Variants in FANCA observed in about 807,000 individuals in gnomAD.
FANCA encodes the protein FA complementation group A.
Under a neutral mutation model 194.3 loss-of-function variants are expected in FANCA, and 236 were observed. That is an observed-to-expected ratio of 1.21 (90% CI 1.09 to 1.35). The LOEUF (loss-of-function observed/expected upper bound fraction) is 1.35. Ranked by LOEUF, FANCA falls within the 40% of genes most tolerant of loss-of-function variation. FANCA has a pLI of 0.00. For missense variants in FANCA, 2,628 were observed against 1,813.9 expected (o/e 1.45, Z -8.15); for synonymous variants, 1,014 against 715.8 (o/e 1.42, Z -6.65).
intron 21 of FANCA, among the ~76,000 whole-genome samples, chr16:89,774,216 C>G (rs889276289): frequency 6.6e-6 from 1 of 152,166 alleles, no homozygotes; most frequent in Non-Finnish European, 1.5e-5. Context: ...ATCACAGGCT[C>G]TAGAAATCAT....
In FANCA at chr16:89,775,774, T is replaced by C; in HGVS notation, c.1868A>G (p.Gln623Arg). The part of the protein sequence containing the change: ...IPPSLYSTYC[Q>R]ACSAAEEKPE... ...CTTCTCTTCAGCAGCAGAGCAGGCC[T>C]GGCAGTAGGTGGAGTACAGAGATGG... The change falls in exon 21 of 43, where the codon CAG becomes CGG. Residue 623 changes from glutamine (Q) to arginine (R), a missense_variant. Coordinates refer to ENST00000389301, the MANE Select transcript of FANCA (RefSeq NM_000135.4). 6.2e-7 allele frequency: 1 copy of C among 1,612,948 alleles called. No homozygotes were observed.
intron 5 of FANCA, 87 bp downstream of exon 5, chr16:89,810,620 A>G (rs1169554577): frequency 2.3e-6 from 2 of 885,010 alleles, no homozygotes; most frequent in South Asian, 1.3e-5. Context: ...AATTCCCAAG[A>G]AAACCCAGGT....
intron 4 of FANCA, 28 bp downstream of exon 4, chr16:89,810,901 G>T: frequency 6.2e-7 from 1 of 1,614,146 alleles, no homozygotes; most frequent in Non-Finnish European, 8.5e-7. Context: ...ACAACGGGCA[G>T]GTTTCCTCAT....
intron 2 of FANCA, among the ~76,000 whole-genome samples, 198 bp downstream of exon 2, chr16:89,815,679 G>T (rs886806197): frequency 2.0e-5 from 3 of 151,972 alleles, no homozygotes; most frequent in African/African-American, 4.8e-5. Context: ...TTGTTGTTTT[G>T]TTTTTAATAA....
intron 14 of FANCA, among the ~76,000 whole-genome samples, chr16:89,788,828 T>G (rs1056151093): frequency 6.6e-6 from 1 of 152,100 alleles, no homozygotes; most frequent in Non-Finnish European, 1.5e-5. Flanking sequence ...ACAAAAAACC[T>G]CATTTAATGG....
intron 14 of FANCA, among the ~76,000 whole-genome samples, chr16:89,790,194 G>C (rs2040021508): frequency 6.6e-6 from 1 of 152,090 alleles, no homozygotes; most frequent in South Asian, 2.1e-4. Context: ...TTAAGGTCAG[G>C]ATTTTGAGAC....
chr16:89,781,122 T>A, intron 17 of FANCA, among the ~76,000 whole-genome samples: 1 of 152,066 alleles, frequency 6.6e-6, no homozygotes, highest in Non-Finnish European at 1.5e-5. Context: ...CCCAGCACTT[T>A]GAGAGACCGA....
At chr16:89,744,658 A>C in intron 36 of FANCA, 2 of 413,706 alleles carry the variant, frequency 4.8e-6, no homozygotes, top group South Asian at 2.2e-5. Flanking sequence ...AGACACTGGC[A>C]GAGGCTGTTT....
chr16:89,767,460 C>T (rs767802715), intron 26 of FANCA, among the ~76,000 whole-genome samples: 2 of 152,122 alleles, frequency 1.3e-5, no homozygotes, highest in East Asian at 1.9e-4. Context: ...CTCTGCCTCC[C>T]GGGTTCAAGC....
intron 35 of FANCA, among the ~76,000 whole-genome samples, 183 bp downstream of exon 35, chr16:89,746,401 C>T (rs17233609): frequency 2.0e-5 from 3 of 152,058 alleles, no homozygotes; most frequent in East Asian, 1.9e-4. Flanking sequence ...TCTGGGAACT[C>T]AGGATGTGCG....
rs972127356 is a variant in FANCA at position 89,742,839 on chromosome 16, G to C, written c.3726C>G (p.Ile1242Met). The change falls in exon 37 of 43, where the codon ATC becomes ATG. Residue 1242 changes from isoleucine (I) to methionine (M), a missense_variant. Ile to Met is a conservative substitution (Grantham distance 10). Coordinates refer to ENST00000389301, the MANE Select transcript of FANCA (RefSeq NM_000135.4). ...AGTCCAGCTTCTTTAGCTGCTTCCT[G>C]ATGTTTTCTTCCCTGACTTGTTGAA... is the stretch of plus-strand genomic sequence containing the variant. ...FAIQQVREEN[I>M]RKQLKKLDCE... 5 of 1,613,994 alleles carry C rather than the reference G, an allele frequency of 3.1e-6. No individual in the cohort carries two copies. In the Admixed American group the frequency reaches 6.7e-5, roughly 22 times the overall value.
At chr16:89,755,609 G>A (rs1376625848) in intron 30 of FANCA, among the ~76,000 whole-genome samples, 3 of 152,124 alleles carry the variant, frequency 2.0e-5, no homozygotes, top group East Asian at 1.9e-4. Flanking sequence ...TGCATTAAAC[G>A]ATACTATCAA....
rs11645240 is a variant in FANCA at position 89,770,918 on chromosome 16, T to C, written c.2152-284A>G. The stretch of plus-strand genomic sequence containing the variant: ...AGGGGCCAGAAAAATATTTTAGGTT[T>C]TGGGGCCAGAAACAGCCTCTGTCGC... On this transcript the variant is annotated intron_variant, in intron 23 of 42. Coordinates refer to ENST00000389301, the MANE Select transcript of FANCA (RefSeq NM_000135.4). Among the ~76,000 whole-genome samples the C allele has an allele frequency of 0.06, 9,097 of 152,084 alleles. 415 individuals carry two copies. The highest frequency in any genetic ancestry group is 0.22 in the East Asian group (1,150 of 5,168).
intron 8 of FANCA, 98 bp downstream of exon 8, chr16:89,803,161 A>G: frequency 1.7e-6 from 2 of 1,174,742 alleles, no homozygotes; most frequent in Non-Finnish European, 2.6e-6. Flanking sequence ...AATAGGTACA[A>G]ACAGCACGTT....
chr16:89,802,269 T>C (rs904989980), intron 8 of FANCA, among the ~76,000 whole-genome samples: 2 of 150,436 alleles, frequency 1.3e-5, no homozygotes, highest in African/African-American at 4.9e-5. Flanking sequence ...CCCGGCTATT[T>C]TTTTTTTTTT....
chr16:89,796,602 T>C (rs1173563964), intron 10 of FANCA, among the ~76,000 whole-genome samples: 7 of 152,178 alleles, frequency 4.6e-5, no homozygotes, highest in Non-Finnish European at 5.9e-5. Flanking sequence ...CAAGAGCACT[T>C]GAGGTCTGTT....
chr16:89,787,156 C>A (rs1469330903), intron 14 of FANCA, among the ~76,000 whole-genome samples: 2 of 152,204 alleles, frequency 1.3e-5, no homozygotes, highest in Admixed American at 6.5e-5. Context: ...TGGCTGGGTG[C>A]AGTGGCTCAA....
intron 28 of FANCA, 154 bp downstream of exon 28, chr16:89,764,736 G>A: frequency 2.2e-6 from 2 of 907,786 alleles, no homozygotes; most frequent in Non-Finnish European, 3.7e-6. Context: ...CTCGAGACGA[G>A]GAGACAGTCG....
At chr16:89,777,361 G>C (rs911391577) in intron 20 of FANCA, among the ~76,000 whole-genome samples, 2 of 152,192 alleles carry the variant, frequency 1.3e-5, no homozygotes, top group Non-Finnish European at 2.9e-5. Flanking sequence ...CAGCCTGGGT[G>C]ACAGAGTGGG....
Sources: allele counts gnomAD v4.1 joint callset (sites outside exome capture counted in the v4.1 genomes callset), GRCh38; gene constraint gnomAD v4.1.1; transcripts MANE v1.5; gene names NCBI Gene and HGNC (gene_info 2026-07-23, HGNC 2026-07-21).